CSMD3: variants seen among roughly 807,000 people sequenced by gnomAD.
CSMD3 encodes CUB and Sushi multiple domains 3.
CSMD3 carries 177 observed loss-of-function variants against 435.2 expected under a neutral mutation model. That is an observed-to-expected ratio of 0.41 (90% CI 0.36 to 0.46). CSMD3 has a LOEUF of 0.46. CSMD3 is among the 20% of genes least tolerant of loss of function. The probability of loss-of-function intolerance (pLI) is 0.34; values close to 1 mark genes in which losing one functional copy is unlikely to be tolerated. For missense variants in CSMD3, 4,265 were observed against 4,504.6 expected (o/e 0.95, Z 1.52); for synonymous variants, 1,656 against 1,520.5 (o/e 1.09, Z -2.07).
At chr8:113,000,642 A>G (rs2085827668) in intron 6 of CSMD3, among the ~76,000 whole-genome samples, 1 of 152,060 alleles carries the variant, frequency 6.6e-6, no homozygotes, top group Non-Finnish European at 1.5e-5. Flanking sequence ...TTACTCTTCT[A>G]GTTTTCAATC....
chr8:113,234,459 T>C (rs1488660833), intron 3 of CSMD3, among the ~76,000 whole-genome samples: 1 of 152,118 alleles, frequency 6.6e-6, no homozygotes, highest in African/African-American at 2.4e-5. Flanking sequence ...GAAAGGAAGC[T>C]AAGTGCCAGT....
At chr8:113,369,958 A>G in intron 1 of CSMD3, among the ~76,000 whole-genome samples, 1 of 151,868 alleles carries the variant, frequency 6.6e-6, no homozygotes, top group East Asian at 1.9e-4. Flanking sequence ...AATTACCCTT[A>G]CATAGGAGGA....
At chr8:113,327,749 C>T (rs2132745602) in intron 1 of CSMD3, among the ~76,000 whole-genome samples, 1 of 151,908 alleles carries the variant, frequency 6.6e-6, no homozygotes, top group East Asian at 1.9e-4. Flanking sequence ...GGTTAGAGCC[C>T]TATCCCCAGC....
chr8:113,395,147 C>T (rs1408199558), intron 1 of CSMD3, among the ~76,000 whole-genome samples: 3 of 152,010 alleles, frequency 2.0e-5, no homozygotes, highest in East Asian at 3.9e-4. Context: ...CTAGTACAAA[C>T]ATAAGGAACA....
chr8:113,139,784 G>C (rs2091503525), intron 4 of CSMD3, among the ~76,000 whole-genome samples: 1 of 150,962 alleles, frequency 6.6e-6, no homozygotes, highest in African/African-American at 2.4e-5. Flanking sequence ...TGGAAAGCAG[G>C]ACTCAACCAT....
At chr8:112,317,974 GTGTGTTAGGCAC>G (rs2130855826) in intron 47 of CSMD3, among the ~76,000 whole-genome samples, 1 of 152,152 alleles carries the variant, frequency 6.6e-6, no homozygotes, top group East Asian at 1.9e-4. Flanking sequence ...TATGATAATT[GTGTGTTAGGCAC>G]TGTTCTGGGC....
chr8:112,304,657 T>G, intron 52 of CSMD3, 64 bp downstream of exon 52: 2 of 1,213,970 alleles, frequency 1.6e-6, no homozygotes, highest in Non-Finnish European at 2.4e-6. Flanking sequence ...TGAAAGGAAC[T>G]GATTCAAACA....
intron 22 of CSMD3, among the ~76,000 whole-genome samples, chr8:112,609,301 CATATT>C (rs531732598): frequency 1.8e-3 from 252 of 143,984 alleles, no homozygotes; most frequent in African/African-American, 6.1e-3. Flanking sequence ...TCAAGAAACT[CATATT>C]ATTTTATTTT....
rs560277904 is a variant in CSMD3, at chr8:113,198,599, T to G, written c.515-24683A>C. 5.2e-3 allele frequency among the ~76,000 whole-genome samples: 786 copies of G among 151,424 alleles called. 11 individuals carry two copies. The highest frequency in any genetic ancestry group is 0.018 in the African/African-American group (759 of 41,402). On this transcript the variant is annotated intron_variant, in intron 3 of 70. Transcript: ENST00000297405. Reference sequence around the variant, plus strand: ...TGTGTTTGTTTTTGTTTTTGTTTTTTTTTAAAAAGAAGTCCATAATTACAT... The same window carrying G: ...TGTGTTTGTTTTTGTTTTTGTTTTTGTTTAAAAAGAAGTCCATAATTACAT...
chr8:112,894,671 G>A lies in CSMD3; in HGVS notation c.1633+26956C>T, dbSNP rs147049626. ...GTTGCTATTTTTAGTAATCAAATAC[G>A]CAACCTTCTAAAATTAAGACGGATT... is the stretch of plus-strand genomic sequence containing the variant. On this transcript the variant is annotated intron_variant, in intron 10 of 70. Coordinates refer to ENST00000297405, the MANE Select transcript of CSMD3 (RefSeq NM_198123.2). Among the ~76,000 whole-genome samples the A allele has an allele frequency of 1.6e-4, 24 of 151,044 alleles. No individual in the cohort carries two copies. The East Asian group carries it at 4.3e-3, about 27-fold the overall frequency.
chr8:113,407,483 A>T (rs1035484991), intron 1 of CSMD3, among the ~76,000 whole-genome samples: 4 of 152,134 alleles, frequency 2.6e-5, no homozygotes, highest in African/African-American at 4.8e-5. Flanking sequence ...TGCAGTATCA[A>T]GGTAGAATTC....
chr8:112,999,967 G>A (rs2085802806), intron 6 of CSMD3, among the ~76,000 whole-genome samples: 1 of 151,958 alleles, frequency 6.6e-6, no homozygotes, highest in South Asian at 2.1e-4. Context: ...ACTTGCATAA[G>A]GTGAAACTGA....
chr8:112,881,491 T>A (rs1257860340), intron 10 of CSMD3, among the ~76,000 whole-genome samples: 2 of 152,072 alleles, frequency 1.3e-5, no homozygotes, highest in African/African-American at 4.8e-5. Context: ...TTTCTATGAA[T>A]TGTTAAGAAT....
At chr8:113,293,265 G>T (rs62519858) in intron 2 of CSMD3, among the ~76,000 whole-genome samples, 1 of 150,964 alleles carries the variant, frequency 6.6e-6, no homozygotes, top group Admixed American at 6.6e-5. Flanking sequence ...TATTTTACGT[G>T]CCCACTTGGA....
intron 10 of CSMD3, among the ~76,000 whole-genome samples, chr8:112,898,495 T>G (rs975450266): frequency 6.6e-6 from 1 of 151,392 alleles, no homozygotes; most frequent in African/African-American, 2.4e-5. Flanking sequence ...ATGGACGCTA[T>G]ATTTAACTTC....
intron 18 of CSMD3, among the ~76,000 whole-genome samples, chr8:112,655,431 C>T (rs1586901286): frequency 6.6e-6 from 1 of 152,060 alleles, no homozygotes; most frequent in South Asian, 2.1e-4. Context: ...TATATGTTTG[C>T]ACACACATAA....
intron 27 of CSMD3, chr8:112,539,461 A>G (rs538848924): frequency 5.3e-5 from 8 of 152,240 alleles, no homozygotes; most frequent in African/African-American, 1.7e-4. Flanking sequence ...TAACTAAAGC[A>G]ATTTGGGAGC....
At chr8:112,417,092 G>T (rs1341948433) in intron 32 of CSMD3, among the ~76,000 whole-genome samples, 1 of 152,150 alleles carries the variant, frequency 6.6e-6, no homozygotes, top group Non-Finnish European at 1.5e-5. Flanking sequence ...AGCCCTCTTT[G>T]TTGCATAGAA....
At chr8:113,103,096 C>A (rs2090376505) in intron 4 of CSMD3, among the ~76,000 whole-genome samples, 1 of 152,046 alleles carries the variant, frequency 6.6e-6, no homozygotes, top group Non-Finnish European at 1.5e-5. Flanking sequence ...TTTGGTCTTT[C>A]TAGATATGTC....
Sources: gnomAD v4.1 joint callset for allele counts (sites outside exome capture counted in the v4.1 genomes callset) on GRCh38, gnomAD v4.1.1 for gene constraint, MANE v1.5 for transcripts, NCBI Gene and HGNC (gene_info 2026-07-23, HGNC 2026-07-21) for gene names.